Variants in CEACAM6 observed in about 807,000 individuals in gnomAD.
CEACAM6 encodes CEA cell adhesion molecule 6.
A neutral mutation model predicts 32.4 loss-of-function variants in CEACAM6; 21 were observed. That is an observed-to-expected ratio of 0.65 (90% CI 0.46 to 0.93). The LOEUF (loss-of-function observed/expected upper bound fraction) is 0.93, where lower values mean the gene tolerates loss of function less well. Among genes scored for constraint, CEACAM6 ranks in the 40% least tolerant of loss-of-function variants. The pLI is 0.00. For synonymous variants in CEACAM6, 184 were observed against 174.4 expected, an observed-to-expected ratio of 1.06 and a Z score of -0.43; for missense variants, 406 against 432.2, an observed-to-expected ratio of 0.94 and a Z score of 0.54.
chr19:41,757,425 C>A (rs1181477406), intron 2 of CEACAM6, among the ~76,000 whole-genome samples: 1 of 152,120 alleles, frequency 6.6e-6, no homozygotes, highest in Non-Finnish European at 1.5e-5. Flanking sequence ...GTGGTGGCCT[C>A]TTGGGCAGGG....
intron 5 of CEACAM6, among the ~76,000 whole-genome samples, chr19:41,766,763 T>C (rs2072958535): frequency 6.6e-6 from 1 of 152,060 alleles, no homozygotes; most frequent in South Asian, 2.1e-4. Flanking sequence ...TCCCAGCCCC[T>C]TGGGAGGCCG....
chr19:41,764,663 G>A (rs1163783368), intron 4 of CEACAM6, among the ~76,000 whole-genome samples: 6 of 152,032 alleles, frequency 3.9e-5, no homozygotes, highest in African/African-American at 1.4e-4. Context: ...TGTCAATTTT[G>A]TTGATCTGTT....
intron 5 of CEACAM6, among the ~76,000 whole-genome samples, chr19:41,768,705 C>T (rs1267012294): frequency 9.0e-5 from 13 of 144,704 alleles, no homozygotes; most frequent in Admixed American, 2.1e-4. Context: ...ACCTCCCAGA[C>T]GGGGCGGCTG....
At chr19:41,769,827 ATTT>A (rs2072982794) in intron 5 of CEACAM6, among the ~76,000 whole-genome samples, 1 of 148,140 alleles carries the variant, frequency 6.8e-6, no homozygotes. Context: ...AATAATTATT[ATTT>A]AACGACTAAT....
At chr19:41,766,666 T>C (rs2072958088) in intron 5 of CEACAM6, among the ~76,000 whole-genome samples, 1 of 152,112 alleles carries the variant, frequency 6.6e-6, no homozygotes, top group Non-Finnish European at 1.5e-5. Flanking sequence ...TTCTTGCATA[T>C]GACTGCCTCA....
chr19:41,760,939 C>T (rs1555821732), intron 2 of CEACAM6, among the ~76,000 whole-genome samples: 1 of 152,230 alleles, frequency 6.6e-6, no homozygotes, highest in Non-Finnish European at 1.5e-5. Context: ...GCCAGGCAGG[C>T]AGCTGGTCAG....
chr19:41,756,469 C>G (rs2072885731), intron 1 of CEACAM6, 131 bp from the exon 2 acceptor site: 1 of 1,343,634 alleles, frequency 7.4e-7, no homozygotes, highest in Non-Finnish European at 9.9e-7. Context: ...CACACACACA[C>G]ACACACACAC....
chr19:41,760,527 G>A (rs547227015), intron 2 of CEACAM6, among the ~76,000 whole-genome samples: 5 of 152,268 alleles, frequency 3.3e-5, no homozygotes, highest in Admixed American at 2.6e-4. Context: ...AAAGGAACAC[G>A]GTTCTGCTGG....
intron 5 of CEACAM6, among the ~76,000 whole-genome samples, chr19:41,768,089 T>G (rs1210982613): frequency 1.3e-5 from 2 of 151,276 alleles, no homozygotes; most frequent in African/African-American, 2.4e-5. Flanking sequence ...TTTTATTTAT[T>G]TTTATTTTTT....
At chr19:41,755,849 C>A (rs1600493658) in intron 1 of CEACAM6, 147 bp downstream of exon 1, 3 of 546,862 alleles carry the variant, frequency 5.5e-6, no homozygotes, top group East Asian at 6.8e-5. Flanking sequence ...ACAGGGGTCA[C>A]AACAGGAAAG....
chr19:41,757,906 A>C (rs988008183), intron 2 of CEACAM6: 1 of 152,242 alleles, frequency 6.6e-6, no homozygotes, highest in Non-Finnish European at 1.5e-5. Context: ...CAAGGGTCAC[A>C]CAGGCCATAG....
At chr19:41,766,831 C>T (rs1432348056) in intron 5 of CEACAM6, among the ~76,000 whole-genome samples, 1 of 151,866 alleles carries the variant, frequency 6.6e-6, no homozygotes, top group African/African-American at 2.4e-5. Flanking sequence ...ACAGTGAAAC[C>T]CCGTCTCTAG....
chr19:41,768,882 T>G (rs369187477), intron 5 of CEACAM6, among the ~76,000 whole-genome samples: 1 of 152,286 alleles, frequency 6.6e-6, no homozygotes, highest in Admixed American at 6.5e-5. Context: ...ATACTCATTT[T>G]CAATCTTTGT....
At chr19:41,756,461 C>G (rs2072885637) in intron 1 of CEACAM6, 139 bp from the exon 2 acceptor site, 1 of 959,264 alleles carries the variant, frequency 1.0e-6, no homozygotes, top group East Asian at 4.4e-5. Flanking sequence ...AGGACACACA[C>G]ACACACACAC....
In CEACAM6 at chr19:41,759,532, T is replaced by C. The variant is rs549992191; in HGVS notation, c.425-1717T>C. Reference sequence around the variant, plus strand: ...ACCTAAGACTTCCTCTCCTACTGGTTCTATCCTCCTAAGAGGACTCATATG... The same window carrying C: ...ACCTAAGACTTCCTCTCCTACTGGTCCTATCCTCCTAAGAGGACTCATATG... On this transcript the variant is annotated intron_variant, in intron 2 of 5. Transcript: ENST00000199764. Among the ~76,000 whole-genome samples, 250 of 152,308 alleles carry C rather than the reference T, an allele frequency of 1.6e-3. 1 individual carries two copies. Among genetic ancestry groups the C allele is most frequent in the African/African-American group, 5.7e-3 (235 of 41,554 alleles).
rs1350065790 is a variant in CEACAM6 at position 41,755,669 on chromosome 19, T to C, written c.31T>C (p.Leu11=). 1.9e-6 allele frequency: 3 copies of C among 1,606,874 alleles called. No homozygotes were observed. The highest frequency in any genetic ancestry group is 2.5e-6 in the Non-Finnish European group (3 of 1,177,126). Residue 11 remains leucine (L), a synonymous_variant, in exon 1 of 6, where the codon TTG becomes CTG. Transcript: ENST00000199764. The stretch of plus-strand genomic sequence containing the variant: ...ACCCCCCTCAGCCCCTCCCTGCAGA[T>C]TGCATGTCCCCTGGAAGGAGGTCCT... MGPPSAPPCR[L]HVPWKEVLLT...
At chr19:41,770,526 G>A (rs1440733669) in intron 5 of CEACAM6, among the ~76,000 whole-genome samples, 1 of 151,866 alleles carries the variant, frequency 6.6e-6, no homozygotes, top group Non-Finnish European at 1.5e-5. Flanking sequence ...GCAGTGAGCT[G>A]CACTCCAACC....
At chr19:41,768,651 G>A (rs1555822628) in intron 5 of CEACAM6, among the ~76,000 whole-genome samples, 2 of 151,722 alleles carry the variant, frequency 1.3e-5, no homozygotes, top group East Asian at 1.9e-4. Flanking sequence ...AGGCAGAGGG[G>A]CTCCTCACTT....
At chr19:41,765,836 G>A (rs538240724) in intron 4 of CEACAM6, among the ~76,000 whole-genome samples, 1 of 152,282 alleles carries the variant, frequency 6.6e-6, no homozygotes, top group South Asian at 2.1e-4. Flanking sequence ...CTGCCATAGA[G>A]CTCCAACAGG....
Sources: allele counts gnomAD v4.1 joint callset (sites outside exome capture counted in the v4.1 genomes callset), GRCh38; gene constraint gnomAD v4.1.1; transcripts MANE v1.5; gene names NCBI Gene and HGNC (gene_info 2026-07-23, HGNC 2026-07-21).